MTMR3: variants seen among roughly 807,000 people sequenced by gnomAD.
The protein encoded by MTMR3 is phosphatidylinositol-3,5-bisphosphate 3-phosphatase MTMR3.
MTMR3 carries 32 observed loss-of-function variants against 132.4 expected under a neutral mutation model. That is an observed-to-expected ratio of 0.24 (90% CI 0.18 to 0.32). The LOEUF (loss-of-function observed/expected upper bound fraction) is 0.32, where lower values mean the gene tolerates loss of function less well. Among genes scored for constraint, MTMR3 ranks in the 10% least tolerant of loss-of-function variants. The probability of loss-of-function intolerance (pLI) is 1.00; values close to 1 mark genes in which losing one functional copy is unlikely to be tolerated. For missense variants in MTMR3, 1,216 were observed against 1,489.6 expected, an observed-to-expected ratio of 0.82 and a Z score of 3.02; for synonymous variants, 556 against 550.3, an observed-to-expected ratio of 1.01 and a Z score of -0.14.
At chr22:29,910,247 A>G (rs2145745348) in intron 1 of MTMR3, among the ~76,000 whole-genome samples, 1 of 152,200 alleles carries the variant, frequency 6.6e-6, no homozygotes, top group South Asian at 2.1e-4. Flanking sequence ...TTAAAATCTG[A>G]GTGTACATCC....
At chr22:29,896,521 A>G (rs1664532900) in intron 1 of MTMR3, among the ~76,000 whole-genome samples, 1 of 152,036 alleles carries the variant, frequency 6.6e-6, no homozygotes, top group African/African-American at 2.4e-5. Flanking sequence ...CCTTTGCAAC[A>G]CTTCTTGAAC....
intron 1 of MTMR3, among the ~76,000 whole-genome samples, chr22:29,912,949 AG>A (rs1042347274): frequency 6.6e-6 from 1 of 152,138 alleles, no homozygotes; most frequent in African/African-American, 2.4e-5. Context: ...CTCCATCGAA[AG>A]GGTCTTAGTC....
intron 12 of MTMR3, chr22:30,009,696 G>C (rs1405722200): frequency 1.3e-5 from 2 of 152,498 alleles, no homozygotes; most frequent in Admixed American, 1.3e-4. Flanking sequence ...TTGCAGTGAG[G>C]AAGGTGAACT....
intron 1 of MTMR3, among the ~76,000 whole-genome samples, chr22:29,927,939 G>GTGTTTT: frequency 9.3e-6 from 1 of 107,374 alleles, no homozygotes; most frequent in East Asian, 2.9e-4. Context: ...TCTAGCCTTT[G>GTGTTTT]TTTTTTTTTT....
chr22:30,019,606 G>A lies in MTMR3; in HGVS notation c.1947G>A (p.Glu649=). The change falls in exon 17 of 20, where the codon GAG becomes GAA. Residue 649 remains glutamate (E), a synonymous_variant. Coordinates refer to ENST00000401950, the MANE Select transcript of MTMR3 (RefSeq NM_021090.4). ...EKWQEHRRSL[E]LSSLAGPGED... ...GGCAGGAGCACCGGCGCTCACTAGA[G>A]CTGAGCAGCCTGGCTGGCCCTGGAG... The A allele has an allele frequency of 1.2e-6, 2 of 1,614,154 alleles. No homozygotes were observed. Among genetic ancestry groups the A allele is most frequent in the Non-Finnish European group, 1.7e-6 (2 of 1,180,050 alleles).
At chr22:29,953,493 T>C (rs2066123691) in intron 1 of MTMR3, among the ~76,000 whole-genome samples, 1 of 152,234 alleles carries the variant, frequency 6.6e-6, no homozygotes, top group East Asian at 1.9e-4. Context: ...TTAGGGCCTC[T>C]GTGCCCTTCG....
At chr22:29,995,517 T>G (rs1420135962) in intron 7 of MTMR3, 1 of 152,232 alleles carries the variant, frequency 6.6e-6, no homozygotes, top group Non-Finnish European at 1.5e-5. Flanking sequence ...GTTAGGGAAC[T>G]TCATTGCTTT....
intron 1 of MTMR3, among the ~76,000 whole-genome samples, chr22:29,898,544 A>G (rs1318574940): frequency 2.6e-5 from 4 of 152,088 alleles, no homozygotes; most frequent in South Asian, 2.1e-4. Context: ...CCGAGACTAC[A>G]GTGTTGGGCC....
Position 30,019,665 on chromosome 22 carries a change from C to T in MTMR3, c.2006C>T (p.Pro669Leu), listed in dbSNP as rs1200981513. 6.2e-7 allele frequency: 1 copy of T among 1,614,202 alleles called. No individual in the cohort carries two copies. Among genetic ancestry groups the T allele is most frequent in the Non-Finnish European group, 8.5e-7 (1 of 1,180,038 alleles). Residue 669 changes from proline (P) to leucine (L), a missense_variant, in exon 17 of 20, where the codon CCC (proline) becomes CTC (leucine). By Grantham distance (98) the Pro-to-Leu change is moderately conservative (BLOSUM62 -3). Around this residue, in one of 7 missense-constraint regions of MTMR3, gnomAD observed 852 missense variants for 852.0 expected, o/e 1.00. Transcript: ENST00000401950. ...DPLSADSLGK[P>L]TRVPGGAELS... The stretch of plus-strand genomic sequence containing the variant: ...CTTTCTGCCGACAGCCTAGGGAAGC[C>T]CACCAGAGTGCCGGGGGGTGCCGAG...
In MTMR3 at chr22:30,020,745, A is replaced by G. The variant is rs1471077576; in HGVS notation, c.3086A>G (p.Gln1029Arg). The change falls in exon 17 of 20, where the codon CAG becomes CGG. Residue 1029 changes from glutamine (Q) to arginine (R), a missense_variant. Gln to Arg is a conservative substitution (Grantham distance 43). Coordinates refer to ENST00000401950, the MANE Select transcript of MTMR3 (RefSeq NM_021090.4). ...TCAGTGTACACAGACACGATCCAAC[A>G]GCGCCTGCGTCAGATTGAGTCAGGC... ...GMSVYTDTIQ[Q>R]RLRQIESGHQ... is the part of the protein sequence containing the mutation. 1 of 1,614,256 alleles carries G rather than the reference A, an allele frequency of 6.2e-7. No homozygotes were observed. The highest frequency in any genetic ancestry group is 1.7e-5 in the Admixed American group (1 of 60,036).
intron 1 of MTMR3, among the ~76,000 whole-genome samples, chr22:29,917,881 C>G (rs2065338776): frequency 6.6e-6 from 1 of 152,110 alleles, no homozygotes; most frequent in Admixed American, 6.5e-5. Flanking sequence ...TAAGTAAGAT[C>G]TTTTTGTAGC....
chr22:29,927,668 T>C (rs192005324), intron 1 of MTMR3, among the ~76,000 whole-genome samples: 246 of 152,232 alleles, frequency 1.6e-3, no homozygotes, highest in Middle Eastern at 3.4e-3. Flanking sequence ...TCTAAAGCAG[T>C]GTGCATGCAA....
chr22:30,007,848 AG>A (rs1193250706), intron 10 of MTMR3, 52 bp from the exon 11 acceptor site: 19 of 1,591,564 alleles, frequency 1.2e-5, no homozygotes, highest in Non-Finnish European at 9.4e-6. Flanking sequence ...AATTCTGCAC[AG>A]TTCTGGGAGA....
At chr22:29,979,115 T>C (rs915626349) in intron 5 of MTMR3, 63 bp downstream of exon 5, 3 of 1,114,880 alleles carry the variant, frequency 2.7e-6, no homozygotes, top group Non-Finnish European at 2.8e-6. Context: ...AAAAACTTAA[T>C]GCTCTCAAAG....
At chr22:29,913,585 C>T (rs1221409861) in intron 1 of MTMR3, among the ~76,000 whole-genome samples, 1 of 152,104 alleles carries the variant, frequency 6.6e-6, no homozygotes, top group Non-Finnish European at 1.5e-5. Context: ...TATTTTGTGC[C>T]TGTCCTCTTT....
At position 29,922,175 on chromosome 22, in the gene MTMR3, C is replaced by T. The variant is rs530694314; in HGVS notation, c.-137-34861C>T. Among the ~76,000 whole-genome samples the T allele has an allele frequency of 1.1e-3, 174 of 151,976 alleles. 1 individual carries two copies. The highest frequency in any genetic ancestry group is 1.5e-3 in the Non-Finnish European group (102 of 67,922). On this transcript the variant is annotated intron_variant, in intron 1 of 19. Transcript: ENST00000401950. ...CCGAGTAGCTGGGATTACAGGCACC[C>T]GCCACCTTGCCCAGCTAATTTTTAG...
intron 1 of MTMR3, among the ~76,000 whole-genome samples, chr22:29,889,536 C>T (rs1373936584): frequency 6.6e-6 from 1 of 151,916 alleles, no homozygotes; most frequent in Non-Finnish European, 1.5e-5. Context: ...ATCCGCCTGC[C>T]TTCGCCTCCC....
At chr22:29,893,809 T>C (rs1170041989) in intron 1 of MTMR3, among the ~76,000 whole-genome samples, 3 of 152,174 alleles carry the variant, frequency 2.0e-5, no homozygotes, top group Admixed American at 1.3e-4. Context: ...ACAACGAGCA[T>C]GTATTACTTT....
intron 1 of MTMR3, among the ~76,000 whole-genome samples, chr22:29,888,728 C>G (rs1211224341): frequency 1.3e-5 from 2 of 149,092 alleles, no homozygotes; most frequent in Non-Finnish European, 3.0e-5. Context: ...TCTGATTTCA[C>G]TTACCTGGGG....
Sources: allele counts gnomAD v4.1 joint callset (sites outside exome capture counted in the v4.1 genomes callset), GRCh38; gene constraint gnomAD v4.1.1; regional missense constraint gnomAD v4.1.1; transcripts MANE v1.5; gene names NCBI Gene and HGNC (gene_info 2026-07-23, HGNC 2026-07-21).